JAKMIP2: variants seen among roughly 807,000 people sequenced by gnomAD.
The protein encoded by JAKMIP2 is janus kinase and microtubule interacting protein 2, also known as janus kinase and microtubule-interacting protein 2.
JAKMIP2 carries 25 observed loss-of-function variants against 115.0 expected under a neutral mutation model. The observed-to-expected ratio is 0.22, with a 90% CI of 0.16 to 0.30. JAKMIP2 has a LOEUF of 0.30. JAKMIP2 is among the 10% of genes least tolerant of loss of function. The pLI is 1.00. For missense variants in JAKMIP2, 642 were observed against 957.6 expected (o/e 0.67, Z 4.35); for synonymous variants, 334 against 343.6 (o/e 0.97, Z 0.31).
intron 1 of JAKMIP2, among the ~76,000 whole-genome samples, chr5:147,764,952 G>A (rs1290154844): frequency 0.015 from 922 of 61,380 alleles, 57 homozygotes; most frequent in East Asian, 0.036. Flanking sequence ...GAGAGGGAGA[G>A]AGAGAGAGAG....
rs552473180 is a variant in JAKMIP2, at chr5:147,635,605, G to A, written c.1677+617C>T. Among the ~76,000 whole-genome samples, 13 of 152,052 alleles carry A rather than the reference G, an allele frequency of 8.5e-5. No homozygotes were observed. The East Asian group carries it at 1.6e-3, about 18-fold the overall frequency. On this transcript the variant is annotated intron_variant, in intron 12 of 21. Transcript: ENST00000616793. ...AGATGGGGTTTTGCTCTTGTTGCCC[G>A]GGCTGGAGTGCAATTGCGCAATCTC...
chr5:147,629,665 A>G (rs953504188), intron 15 of JAKMIP2, 28 bp downstream of exon 15: 1 of 1,572,934 alleles, frequency 6.4e-7, no homozygotes, highest in Non-Finnish European at 8.7e-7. Flanking sequence ...GCAAATTCAT[A>G]TCTATACTAA....
At position 147,588,178 on chromosome 5, in the gene JAKMIP2, A is replaced by C. The variant is rs1314685414; in HGVS notation, c.*3529T>G. The C allele has an allele frequency of 1.3e-5, 2 of 152,108 alleles. No individual in the cohort carries two copies. Among genetic ancestry groups the C allele is most frequent in the African/African-American group, 4.8e-5 (2 of 41,420 alleles). The allele number at this position is 152,108 out of a possible 1,614,324, so 9.4% of individuals were successfully genotyped here. ...TCTCTCTATGTTTTTCCCCTCTTTC[A>C]TGAAATTTTTCTATCCTGAATAACT... On this transcript the variant is annotated 3_prime_UTR_variant, in exon 22 of 22. Coordinates refer to ENST00000616793, the MANE Select transcript of JAKMIP2 (RefSeq NM_001270941.2).
In JAKMIP2 at chr5:147,586,719, T is replaced by C. The variant is rs926740991; in HGVS notation, c.*4988A>G. The C allele has an allele frequency of 6.6e-6, 1 of 151,708 alleles. No individual in the cohort carries two copies. Among genetic ancestry groups the C allele is most frequent in the African/African-American group, 2.4e-5 (1 of 41,318 alleles). The allele number at this position is 151,708 out of a possible 1,614,324, so 9.4% of individuals were successfully genotyped here. A position where few individuals can be genotyped will look rare whatever the true frequency, so the allele number is the denominator to read the frequency against. ...GCTACATTGCCCCTATAAGTATATC[T>C]TTAGTAGTTTTTTTCCTCTCTCCCT... On this transcript the variant is annotated 3_prime_UTR_variant, in exon 22 of 22. Transcript: ENST00000616793.
chr5:147,620,181 A>T (rs1336727501), intron 18 of JAKMIP2, among the ~76,000 whole-genome samples: 1 of 152,026 alleles, frequency 6.6e-6, no homozygotes, highest in Non-Finnish European at 1.5e-5. Context: ...TGAAGCCTTG[A>T]CCTCCCAGGC....
intron 1 of JAKMIP2, among the ~76,000 whole-genome samples, chr5:147,773,982 AT>A (rs1254222857): frequency 6.6e-6 from 1 of 152,148 alleles, no homozygotes; most frequent in Non-Finnish European, 1.5e-5. Context: ...ATTGCTAAAC[AT>A]TTTAAGCATC....
intron 1 of JAKMIP2, among the ~76,000 whole-genome samples, chr5:147,753,573 T>C (rs936805368): frequency 2.0e-5 from 3 of 152,192 alleles, no homozygotes; most frequent in Admixed American, 6.5e-5. Context: ...TCAAGAGAAA[T>C]TGAAAATCCA....
chr5:147,745,075 A>T (rs1221319835), intron 1 of JAKMIP2, among the ~76,000 whole-genome samples: 1 of 147,616 alleles, frequency 6.8e-6, no homozygotes, highest in South Asian at 2.1e-4. Context: ...AAAAAAAAAA[A>T]GGAAATAAGG....
chr5:147,732,736 A>C (rs1268015404), intron 1 of JAKMIP2, among the ~76,000 whole-genome samples: 1 of 152,236 alleles, frequency 6.6e-6, no homozygotes, highest in Non-Finnish European at 1.5e-5. Flanking sequence ...TTCAGTAAAG[A>C]AACTAAGCCT....
chr5:147,686,300 C>G (rs1467786353), intron 1 of JAKMIP2, among the ~76,000 whole-genome samples: 1 of 152,054 alleles, frequency 6.6e-6, no homozygotes, highest in Admixed American at 6.6e-5. Context: ...TAGATTGGAA[C>G]TTGAATAAAT....
At chr5:147,656,275 G>T (rs10452517) in intron 3 of JAKMIP2, among the ~76,000 whole-genome samples, 1 of 152,066 alleles carries the variant, frequency 6.6e-6, no homozygotes, top group Non-Finnish European at 1.5e-5. Flanking sequence ...TCTGTCTAAT[G>T]TTGACAGTGG....
rs1193699030 is a variant in JAKMIP2 at position 147,588,976 on chromosome 5, A to G, written c.*2731T>C. 6.6e-6 allele frequency: 1 copy of G among 152,190 alleles called. No homozygotes were observed. Among genetic ancestry groups the G allele is most frequent in the Non-Finnish European group, 1.5e-5 (1 of 68,036 alleles). 9.4% of individuals were successfully genotyped at this position (152,190 alleles called of 1,614,324 possible). On this transcript the variant is annotated 3_prime_UTR_variant, in exon 22 of 22. Transcript: ENST00000616793. The stretch of plus-strand genomic sequence containing the variant: ...TACTCATATGGGCCCTGCAACAGAA[A>G]GTGAAGAAAAATGGAAAAGTCTTAG...
At chr5:147,671,566 G>T in intron 2 of JAKMIP2, 112 bp downstream of exon 2, 1 of 896,098 alleles carries the variant, frequency 1.1e-6, no homozygotes, top group Non-Finnish European at 1.5e-6. Flanking sequence ...TGCCCTCTCT[G>T]GCAAAGGGCA....
chr5:147,738,158 T>C (rs1449005499), intron 1 of JAKMIP2, among the ~76,000 whole-genome samples: 1 of 151,324 alleles, frequency 6.6e-6, no homozygotes, highest in African/African-American at 2.4e-5. Flanking sequence ...AAAGAGGTCA[T>C]TTTTTTTTCC....
At chr5:147,640,624 A>G (rs189387884) in intron 9 of JAKMIP2, 80 bp downstream of exon 9, 54 of 1,467,586 alleles carry the variant, frequency 3.7e-5, no homozygotes, top group Middle Eastern at 4.2e-4. Flanking sequence ...GGAGATGAAA[A>G]GTGAAATCCT....
intron 21 of JAKMIP2, among the ~76,000 whole-genome samples, chr5:147,598,462 T>TCAC (rs1554123567): frequency 0.1 from 14,788 of 148,152 alleles, 813 homozygotes; most frequent in East Asian, 0.17. Context: ...CTATCTATCA[T>TCAC]CTATCTATGT....
intron 3 of JAKMIP2, 87 bp from the exon 4 acceptor site, chr5:147,650,634 T>C: frequency 1.0e-6 from 1 of 1,004,672 alleles, no homozygotes. Context: ...ACTTCTTTTA[T>C]CTGATTGATA....
At chr5:147,745,072 A>G (rs1259655678) in intron 1 of JAKMIP2, among the ~76,000 whole-genome samples, 1 of 151,568 alleles carries the variant, frequency 6.6e-6, no homozygotes, top group Non-Finnish European at 1.5e-5. Context: ...AAAAAAAAAA[A>G]AAAGGAAATA....
At chr5:147,642,440 T>C (rs998118330) in intron 7 of JAKMIP2, among the ~76,000 whole-genome samples, 13 of 152,302 alleles carry the variant, frequency 8.5e-5, no homozygotes, top group Admixed American at 7.8e-4. Context: ...GTATTTACTG[T>C]AAAAATTTAA....
Sources: gnomAD v4.1 joint callset for allele counts (sites outside exome capture counted in the v4.1 genomes callset) on GRCh38, gnomAD v4.1.1 for gene constraint, MANE v1.5 for transcripts, NCBI Gene and HGNC (gene_info 2026-07-23, HGNC 2026-07-21) for gene names.